Variants in CCT6B observed in about 807,000 individuals in gnomAD.
The protein encoded by CCT6B is probable T-complex protein 1 subunit zeta-2.
Under a neutral mutation model 61.5 loss-of-function variants are expected in CCT6B, and 49 were observed. That is an observed-to-expected ratio of 0.80 (90% CI 0.63 to 1.01). The LOEUF (loss-of-function observed/expected upper bound fraction) is 1.01. CCT6B is among the 50% of genes least tolerant of loss of function. The pLI is 0.00. For missense variants in CCT6B, 666 were observed against 634.7 expected, an observed-to-expected ratio of 1.05 and a Z score of -0.53; for synonymous variants, 228 against 214.5, an observed-to-expected ratio of 1.06 and a Z score of -0.55.
At position 34,930,155 on chromosome 17, in the gene CCT6B, C is replaced by T. The variant is rs118071559; in HGVS notation, c.1450+794G>A. Among the ~76,000 whole-genome samples the T allele has an allele frequency of 1.7e-3, 265 of 152,258 alleles. 1 individual carries two copies. The highest frequency in any genetic ancestry group is 2.9e-3 in the Non-Finnish European group (194 of 68,026). ...GGCGTGGCAGCAGACACCTATATTCCCAGCTACTCCGGAGGCTGAGGCAGG... is the reference window on the plus strand; with the variant it reads ...GGCGTGGCAGCAGACACCTATATTCTCAGCTACTCCGGAGGCTGAGGCAGG... On this transcript the variant is annotated intron_variant, in intron 12 of 13. Coordinates refer to ENST00000314144, the MANE Select transcript of CCT6B (RefSeq NM_006584.4).
Position 34,936,843 on chromosome 17 carries a change from G to A in CCT6B, c.1213+2340C>T, listed in dbSNP as rs1002988335. Among the ~76,000 whole-genome samples the A allele has an allele frequency of 3.3e-5, 5 of 152,128 alleles. No homozygotes were observed. In the East Asian group the frequency reaches 9.7e-4, roughly 29 times the overall value. The stretch of plus-strand genomic sequence containing the variant: ...TAAAATATCAACTATCTCCAAATTG[G>A]TCTACAGATTTAATAAAATTCCAAT... On this transcript the variant is annotated intron_variant, in intron 10 of 13. Coordinates refer to ENST00000314144, the MANE Select transcript of CCT6B (RefSeq NM_006584.4).
In CCT6B at chr17:34,961,414, G is replaced by GAAA; in HGVS notation, c.-24_-22dup. On this transcript the variant is annotated 5_prime_UTR_variant, in exon 1 of 14. Transcript: ENST00000314144. ...GCCATAGCCTAACCGTTCAGAGGGA[G>GAAA]AAAAAAAAAAAGCCTTAGTCGCGAT... 6.5e-6 allele frequency: 8 copies of GAAA among 1,233,328 alleles called. No individual in the cohort carries two copies. The highest frequency in any genetic ancestry group is 3.0e-5 in the South Asian group (2 of 67,504). The allele number at this position is 1,233,328 out of a possible 1,614,324, so 76.4% of individuals were successfully genotyped here.
Position 34,951,979 on chromosome 17 carries a change from C to T in CCT6B, c.585G>A (p.Glu195=). The change falls in exon 5 of 14, where the codon GAG becomes GAA. Residue 195 remains glutamate, a synonymous_variant. Coordinates refer to ENST00000314144, the MANE Select transcript of CCT6B (RefSeq NM_006584.4). ...PIDLFMVEIM[E]MKHKLGTDTK... ...TATCTGTTCCTAATTTATGCTTCAT[C>T]TCCATTATTTCTACCATGAAGAGAT... 1.9e-6 allele frequency: 3 copies of T among 1,599,726 alleles called. No individual in the cohort carries two copies. Among genetic ancestry groups the T allele is most frequent in the East Asian group, 4.5e-5 (2 of 44,622 alleles).
intron 3 of CCT6B, among the ~76,000 whole-genome samples, chr17:34,956,344 C>G (rs2090347265): frequency 6.6e-6 from 1 of 152,200 alleles, no homozygotes; most frequent in African/African-American, 2.4e-5. Context: ...TTGTCTGGTT[C>G]ACTCCTCCTC....
rs940256043 is a variant in CCT6B at position 34,952,158 on chromosome 17, T to C, written c.511-105A>G. 2.3e-5 allele frequency: 15 copies of C among 654,010 alleles called. No homozygotes were observed. The South Asian group carries it at 3.3e-4, about 15-fold the overall frequency. The allele number at this position is 654,010 out of a possible 1,614,324, so 40.5% of individuals were successfully genotyped here. A position where few individuals can be genotyped will look rare whatever the true frequency, so the allele number is the denominator to read the frequency against. The stretch of plus-strand genomic sequence containing the variant: ...ACTAAGGAGATAAAAGCCTTCAGGA[T>C]TCAAAACCTAGGGCAAGACCAATAT... On this transcript the variant is annotated intron_variant, in intron 4 of 13. Transcript: ENST00000314144.
chr17:34,934,033 G>A (rs917265827), intron 10 of CCT6B, among the ~76,000 whole-genome samples: 3 of 151,750 alleles, frequency 2.0e-5, no homozygotes, highest in African/African-American at 7.3e-5. Context: ...GGAGGCTAAG[G>A]TGGGAGGACT....
intron 4 of CCT6B, 99 bp downstream of exon 4, chr17:34,954,327 A>T: frequency 1.1e-6 from 1 of 951,424 alleles, no homozygotes; most frequent in Non-Finnish European, 1.5e-6. Flanking sequence ...TTTTATGCCC[A>T]AAAAACCACA....
In CCT6B at chr17:34,961,317, G is replaced by A. The variant is rs1439507072; in HGVS notation, c.77C>T (p.Ala26Val). 2 of 1,613,056 alleles carry A rather than the reference G, an allele frequency of 1.2e-6. No homozygotes were observed. The highest frequency in any genetic ancestry group is 1.3e-5 in the African/African-American group (1 of 74,910). Residue 26 changes from alanine to valine, a missense_variant, in exon 1 of 14, where the codon GCC becomes GTC. By Grantham distance (64) the Ala-to-Val change is moderately conservative. Transcript: ENST00000314144. Reference sequence around the variant, plus strand: ...CAGCACATCCTGCAGCCCTCGGGCGGCGCATATATTGACAGCCAAAGCTGC... The same window carrying A: ...CAGCACATCCTGCAGCCCTCGGGCGACGCATATATTGACAGCCAAAGCTGC... ...ARAALAVNIC[A>V]ARGLQDVLRT...
chr17:34,939,264 C>T lies in CCT6B; in HGVS notation c.1132G>A (p.Gly378Arg). The change falls in exon 10 of 14, where the codon GGA (glycine) becomes AGA (arginine). Residue 378 changes from glycine to arginine, a missense_variant. Physicochemically the swap from Gly to Arg is moderately radical, Grantham distance 125. Coordinates refer to ENST00000314144, the MANE Select transcript of CCT6B (RefSeq NM_006584.4). ...NPCSVTLLVKGPNKHTLTQVK... is the reference protein window; with the variant it reads ...NPCSVTLLVKRPNKHTLTQVK... ...TGTGTGAGAGTATGCTTATTTGGTC[C>T]TTTAACCAACAAGGTAACAGAGCAA... 6.2e-7 allele frequency: 1 copy of T among 1,613,762 alleles called. No individual in the cohort carries two copies. Among genetic ancestry groups the T allele is most frequent in the Non-Finnish European group, 8.5e-7 (1 of 1,179,828 alleles).
intron 12 of CCT6B, among the ~76,000 whole-genome samples, chr17:34,930,551 C>A (rs567020615): frequency 1.3e-5 from 2 of 152,140 alleles, no homozygotes; most frequent in African/African-American, 4.8e-5. Flanking sequence ...CCTGACCAAC[C>A]CTTTAAGCTG....
chr17:34,941,073 T>C (rs1458745429), intron 7 of CCT6B, among the ~76,000 whole-genome samples: 1 of 152,150 alleles, frequency 6.6e-6, no homozygotes, highest in African/African-American at 2.4e-5. Flanking sequence ...GGGAGTAATA[T>C]TTTAATAGGC....
chr17:34,950,226 A>G (rs2090275132), intron 5 of CCT6B, among the ~76,000 whole-genome samples: 1 of 152,240 alleles, frequency 6.6e-6, no homozygotes, highest in South Asian at 2.1e-4. Flanking sequence ...TACTTTGAGA[A>G]AAATTTAAGG....
intron 5 of CCT6B, chr17:34,943,519 A>G (rs948218715): frequency 6.6e-6 from 1 of 152,196 alleles, no homozygotes; most frequent in African/African-American, 2.4e-5. Flanking sequence ...GCTAGCTGAT[A>G]AGCATAGAAT....
At chr17:34,940,686 T>C in intron 7 of CCT6B, 65 bp from the exon 8 acceptor site, 2 of 802,576 alleles carry the variant, frequency 2.5e-6, no homozygotes, top group East Asian at 2.7e-5. Context: ...AACCTTTTGG[T>C]CTCAGCACCA....
Position 34,958,601 on chromosome 17 carries a change from T to A in CCT6B, c.295A>T (p.Ile99Phe). ...GDGTTSNVLI[I>F]GELLKQADLY... ...TCAGCTTGTTTTAATAACTCTCCAA[T>A]AATTAGAACATTTGAAGTAGTACCA... is the stretch of plus-strand genomic sequence containing the variant. Residue 99 changes from isoleucine to phenylalanine, a missense_variant, in exon 3 of 14, where the codon ATT (isoleucine) becomes TTT (phenylalanine). Coordinates refer to ENST00000314144, the MANE Select transcript of CCT6B (RefSeq NM_006584.4). The A allele has an allele frequency of 6.3e-7, 1 of 1,595,940 alleles. No homozygotes were observed. Among genetic ancestry groups the A allele is most frequent in the Non-Finnish European group, 8.5e-7 (1 of 1,170,028 alleles).
chr17:34,933,847 G>T (rs1405339677), intron 10 of CCT6B, among the ~76,000 whole-genome samples: 1 of 152,034 alleles, frequency 6.6e-6, no homozygotes, highest in Non-Finnish European at 1.5e-5. Context: ...ACTAGAAAAG[G>T]ACAGGGTCTG....
In CCT6B at chr17:34,942,646, A is replaced by G; in HGVS notation, c.726-3T>C. On this transcript the variant is annotated splice_polypyrimidine_tract_variant and splice_region_variant and intron_variant, in intron 6 of 13. Transcript: ENST00000314144. ...AAAAGAAACCAGAGTTCACCTCTCTAAAAGATTAATAAAAACCAGCTAGTA... is the reference window on the plus strand; with the variant it reads ...AAAAGAAACCAGAGTTCACCTCTCTGAAAGATTAATAAAAACCAGCTAGTA... The G allele has an allele frequency of 4.4e-6, 7 of 1,576,938 alleles. No homozygotes were observed. Among genetic ancestry groups the G allele is most frequent in the Non-Finnish European group, 6.0e-6 (7 of 1,168,372 alleles).
Position 34,934,488 on chromosome 17 carries a change from C to A in CCT6B, c.1214-1988G>T, listed in dbSNP as rs79944331. The stretch of plus-strand genomic sequence containing the variant: ...ACAAATGAGTATGGCCACATTCCAA[C>A]AAAACTTTATTTACCAAAACAGGCA... On this transcript the variant is annotated intron_variant, in intron 10 of 13. Coordinates refer to ENST00000314144, the MANE Select transcript of CCT6B (RefSeq NM_006584.4). Among the ~76,000 whole-genome samples, 1,394 of 152,246 alleles carry A rather than the reference C, an allele frequency of 9.2e-3. 24 individuals are homozygous for A. Among genetic ancestry groups the A allele is most frequent in the African/African-American group, 0.032 (1,334 of 41,542 alleles).
intron 1 of CCT6B, among the ~76,000 whole-genome samples, chr17:34,960,832 G>A (rs1247203714): frequency 1.3e-5 from 2 of 152,164 alleles, no homozygotes; most frequent in Non-Finnish European, 2.9e-5. Context: ...GTAGAACTTG[G>A]ATTTGACCCC....
Sources: gnomAD v4.1 joint callset for allele counts (sites outside exome capture counted in the v4.1 genomes callset) on GRCh38, gnomAD v4.1.1 for gene constraint, MANE v1.5 for transcripts, NCBI Gene and HGNC (gene_info 2026-07-23, HGNC 2026-07-21) for gene names.